The following SAMD12 variants were observed in gnomAD, a reference collection of about 807,000 sequenced individuals.
The protein encoded by SAMD12 is sterile alpha motif domain-containing protein 12.
Under a neutral mutation model 15.0 loss-of-function variants are expected in SAMD12, and 9 were observed. The observed-to-expected ratio is 0.60, with a 90% CI of 0.36 to 1.05. The LOEUF (loss-of-function observed/expected upper bound fraction) is 1.05, where lower values mean the gene tolerates loss of function less well. SAMD12 is among the 50% of genes least tolerant of loss of function. SAMD12 has a pLI of 0.01. For missense variants in SAMD12, 230 were observed against 234.2 expected (o/e 0.98, Z 0.12); for synonymous variants, 86 against 90.1 (o/e 0.96, Z 0.25).
At chr8:118,556,792 G>C (rs139558940) in intron 2 of SAMD12, among the ~76,000 whole-genome samples, 1 of 151,836 alleles carries the variant, frequency 6.6e-6, no homozygotes, top group African/African-American at 2.4e-5. Flanking sequence ...GTGAAACCCC[G>C]TCTCTACTAA....
intron 2 of SAMD12, among the ~76,000 whole-genome samples, chr8:118,494,173 A>C (rs1056942176): frequency 3.3e-5 from 5 of 152,166 alleles, no homozygotes; most frequent in African/African-American, 1.2e-4. Context: ...AAGGGGCCGC[A>C]AGCCAAATAA....
intron 2 of SAMD12, among the ~76,000 whole-genome samples, chr8:118,522,569 C>A (rs1200493231): frequency 6.6e-6 from 1 of 152,112 alleles, no homozygotes; most frequent in African/African-American, 2.4e-5. Flanking sequence ...ACTGTTTCCA[C>A]AAAGTTACTG....
chr8:118,382,964 T>C (rs1819751420), intron 3 of SAMD12, among the ~76,000 whole-genome samples: 1 of 152,216 alleles, frequency 6.6e-6, no homozygotes, highest in Admixed American at 6.5e-5. Flanking sequence ...TGGAAAATTT[T>C]TGTAATAATT....
intron 2 of SAMD12, among the ~76,000 whole-genome samples, chr8:118,483,099 A>G (rs960707593): frequency 6.6e-6 from 1 of 152,244 alleles, no homozygotes; most frequent in Non-Finnish European, 1.5e-5. Flanking sequence ...GAATATGATG[A>G]GCCTCATGAA....
rs573458335 is a variant in SAMD12, at chr8:118,381,198, G to A, written c.323-1498C>T. ...AGATGTGGCCCTGGGCCAATGCCTG[G>A]AGAGGAAGTGAGTTCTTGGATGTGC... is the stretch of plus-strand genomic sequence containing the variant. On this transcript the variant is annotated intron_variant, in intron 3 of 3. Coordinates refer to ENST00000314727, the MANE Select transcript of SAMD12 (RefSeq NM_207506.3). 3.9e-5 allele frequency among the ~76,000 whole-genome samples: 6 copies of A among 152,306 alleles called. No individual in the cohort carries two copies. The South Asian group carries it at 8.3e-4, about 21-fold the overall frequency.
intron 2 of SAMD12, among the ~76,000 whole-genome samples, chr8:118,537,490 CTG>C (rs1480964737): frequency 6.6e-6 from 1 of 151,928 alleles, no homozygotes; most frequent in Non-Finnish European, 1.5e-5. Flanking sequence ...TATCCTCTGA[CTG>C]TGTATTTTCA....
intron 4 of SAMD12, among the ~76,000 whole-genome samples, chr8:118,323,643 C>T (rs755772095): frequency 1.3e-5 from 2 of 151,948 alleles, no homozygotes; most frequent in African/African-American, 4.8e-5. Context: ...GTGACACACA[C>T]CTGTAGTCCC....
chr8:118,567,219 G>A (rs1477325673), intron 2 of SAMD12, among the ~76,000 whole-genome samples: 1 of 152,046 alleles, frequency 6.6e-6, no homozygotes, highest in Non-Finnish European at 1.5e-5. Context: ...CTGGGTAAGT[G>A]GCAGAGCAGA....
At chr8:118,274,614 T>G (rs553990517) in intron 4 of SAMD12, among the ~76,000 whole-genome samples, 1 of 152,288 alleles carries the variant, frequency 6.6e-6, no homozygotes, top group Admixed American at 6.5e-5. Context: ...GTGTTAATGA[T>G]TTACTTTTCT....
chr8:118,546,246 G>A (rs1826119406), intron 2 of SAMD12, among the ~76,000 whole-genome samples: 1 of 152,154 alleles, frequency 6.6e-6, no homozygotes, highest in Non-Finnish European at 1.5e-5. Flanking sequence ...GCCAAGACCT[G>A]GACAATGTTG....
the SAMD12 span, among the ~76,000 whole-genome samples, chr8:118,143,847 C>G: frequency 6.6e-6 from 1 of 152,186 alleles, no homozygotes; most frequent in African/African-American, 2.4e-5. Flanking sequence ...CCCAGACCCC[C>G]AGATCCTTGT....
chr8:118,243,706 CT>C (rs1265590716), intron 4 of SAMD12, among the ~76,000 whole-genome samples: 1 of 152,028 alleles, frequency 6.6e-6, no homozygotes, highest in Non-Finnish European at 1.5e-5. Context: ...TCATGTTTTC[CT>C]GTCTCAGTAA....
chr8:118,161,311 T>C, the SAMD12 span, among the ~76,000 whole-genome samples: 2 of 152,138 alleles, frequency 1.3e-5, no homozygotes, highest in Non-Finnish European at 2.9e-5. Context: ...AGACACTGCG[T>C]GTTGGCTCAT....
chr8:118,365,596 T>C (rs1000037971), intron 4 of SAMD12, among the ~76,000 whole-genome samples: 1 of 152,064 alleles, frequency 6.6e-6, no homozygotes, highest in East Asian at 1.9e-4. Flanking sequence ...CCTTCAGAAT[T>C]GACTAAATTA....
At chr8:118,279,409 C>T (rs1457142367) in intron 4 of SAMD12, among the ~76,000 whole-genome samples, 1 of 152,144 alleles carries the variant, frequency 6.6e-6, no homozygotes, top group Admixed American at 6.6e-5. Context: ...AAATCTAGAT[C>T]AAACTTGGGT....
intron 4 of SAMD12, among the ~76,000 whole-genome samples, chr8:118,359,545 T>C (rs1454423711): frequency 6.6e-6 from 1 of 152,206 alleles, no homozygotes; most frequent in East Asian, 1.9e-4. Flanking sequence ...ATTCCCAATG[T>C]ATGCAGTTAT....
chr8:118,565,642 T>C (rs1192706263), intron 2 of SAMD12, among the ~76,000 whole-genome samples: 1 of 152,240 alleles, frequency 6.6e-6, no homozygotes, highest in Non-Finnish European at 1.5e-5. Context: ...AGTTACAGCC[T>C]ACTTGACATC....
intron 2 of SAMD12, among the ~76,000 whole-genome samples, chr8:118,486,338 C>T (rs1449553850): frequency 6.6e-6 from 1 of 151,728 alleles, no homozygotes; most frequent in Non-Finnish European, 1.5e-5. Flanking sequence ...ATGGCGTGAA[C>T]CTGGGAGGTA....
intron 4 of SAMD12, among the ~76,000 whole-genome samples, chr8:118,272,434 G>A (rs1813383866): frequency 6.6e-6 from 1 of 152,212 alleles, no homozygotes; most frequent in Non-Finnish European, 1.5e-5. Flanking sequence ...GCTGGCTGCA[G>A]TGAAGGTCTC....
Sources: allele counts gnomAD v4.1 joint callset (sites outside exome capture counted in the v4.1 genomes callset), GRCh38; gene constraint gnomAD v4.1.1; transcripts MANE v1.5; gene names NCBI Gene and HGNC (gene_info 2026-07-23, HGNC 2026-07-21).